PLCE1: variants seen among roughly 807,000 people sequenced by gnomAD.
PLCE1 encodes 1-phosphatidylinositol 4,5-bisphosphate phosphodiesterase epsilon-1.
A neutral mutation model predicts 242.8 loss-of-function variants in PLCE1; 119 were observed. That is an observed-to-expected ratio of 0.49 (90% CI 0.42 to 0.57). PLCE1 has a LOEUF of 0.57. PLCE1 is among the 20% of genes least tolerant of loss of function. The pLI, the probability that PLCE1 is intolerant of heterozygous loss-of-function variation, is 0.00. For synonymous variants in PLCE1, 945 were observed against 1,017.4 expected, an observed-to-expected ratio of 0.93 and a Z score of 1.35; for missense variants, 2,441 against 2,788.8, an observed-to-expected ratio of 0.88 and a Z score of 2.81.
intron 3 of PLCE1, among the ~76,000 whole-genome samples, chr10:94,143,628 G>C (rs2047034806): frequency 1.3e-5 from 2 of 152,074 alleles, no homozygotes; most frequent in Admixed American, 6.6e-5. Flanking sequence ...ACTTCTACTG[G>C]AATTGAGTCT....
intron 29 of PLCE1, among the ~76,000 whole-genome samples, chr10:94,319,844 G>A (rs1004380002): frequency 3.6e-5 from 5 of 139,312 alleles, no homozygotes; most frequent in Admixed American, 2.1e-4. Context: ...AATAAGCTCT[G>A]AGGGAGGCTC....
At chr10:94,087,194 T>A (rs28522400) in intron 2 of PLCE1, among the ~76,000 whole-genome samples, 1 of 151,280 alleles carries the variant, frequency 6.6e-6, no homozygotes, top group Admixed American at 6.6e-5. Flanking sequence ...TAAAGTTTTT[T>A]AAAAAATTAG....
At chr10:94,247,082 A>G (rs2050709928) in intron 8 of PLCE1, among the ~76,000 whole-genome samples, 2 of 147,620 alleles carry the variant, frequency 1.4e-5, no homozygotes, top group Non-Finnish European at 3.0e-5. Context: ...ACTGCATTCC[A>G]GCCTGGGCAA....
chr10:94,221,165 T>C (rs886803414), intron 4 of PLCE1, among the ~76,000 whole-genome samples: 11 of 152,230 alleles, frequency 7.2e-5, no homozygotes, highest in Admixed American at 2.6e-4. Context: ...ATGCAAATTA[T>C]TGATCTCTGG....
chr10:94,009,932 G>T (rs2061133981), intron 1 of PLCE1, among the ~76,000 whole-genome samples: 1 of 152,224 alleles, frequency 6.6e-6, no homozygotes, highest in South Asian at 2.1e-4. Flanking sequence ...GGTCTGGAGG[G>T]TGGCAGCCAC....
At chr10:94,062,031 T>C (rs1257359505) in intron 2 of PLCE1, among the ~76,000 whole-genome samples, 1 of 152,252 alleles carries the variant, frequency 6.6e-6, no homozygotes, top group Non-Finnish European at 1.5e-5. Flanking sequence ...AATAGCAGTA[T>C]CTATCTCAGA....
Position 94,033,129 on chromosome 10 carries a change from C to CAT in PLCE1, c.1206+879_1206+880dup, listed in dbSNP as rs533060718. Among the ~76,000 whole-genome samples, 16 of 152,016 alleles carry CAT rather than the reference C, an allele frequency of 1.1e-4. No individual in the cohort carries two copies. The South Asian group carries it at 3.3e-3, about 32-fold the overall frequency. ...TATATGCAAATACTAGGCCATCTTA[C>CAT]ATAAGGGACTTGAGCATTCTTGAAC... On this transcript the variant is annotated intron_variant, in intron 2 of 32. Coordinates refer to ENST00000371380, the MANE Select transcript of PLCE1 (RefSeq NM_016341.4).
At chr10:94,304,936 T>C (rs1371436575) in intron 25 of PLCE1, among the ~76,000 whole-genome samples, 3 of 152,192 alleles carry the variant, frequency 2.0e-5, no homozygotes, top group African/African-American at 7.2e-5. Flanking sequence ...ATCATAACTA[T>C]GAGTATAGCC....
chr10:94,296,799 G>A (rs2052836773), intron 23 of PLCE1, among the ~76,000 whole-genome samples: 1 of 152,060 alleles, frequency 6.6e-6, no homozygotes. Flanking sequence ...ATCGCAAAAT[G>A]CCTAACTTTC....
At chr10:94,302,963 G>T (rs1455227425) in intron 24 of PLCE1, among the ~76,000 whole-genome samples, 2 of 152,174 alleles carry the variant, frequency 1.3e-5, no homozygotes, top group African/African-American at 4.8e-5. Context: ...TCATGAAGTG[G>T]CCTGAGAAGA....
intron 4 of PLCE1, among the ~76,000 whole-genome samples, chr10:94,176,496 A>C (rs2048130625): frequency 6.6e-6 from 1 of 152,188 alleles, no homozygotes. Flanking sequence ...AATTAGCAGT[A>C]TATGGTGAAA....
At chr10:94,232,440 A>G (rs1346785821) in intron 5 of PLCE1, among the ~76,000 whole-genome samples, 1 of 152,170 alleles carries the variant, frequency 6.6e-6, no homozygotes, top group Non-Finnish European at 1.5e-5. Flanking sequence ...TCTGCAGAAA[A>G]GAAGTGGACA....
chr10:94,097,214 T>C (rs536901766), intron 2 of PLCE1, among the ~76,000 whole-genome samples: 3 of 152,204 alleles, frequency 2.0e-5, no homozygotes, highest in Admixed American at 6.5e-5. Flanking sequence ...CCCTAGAATA[T>C]CTTTTATTTA....
chr10:93,999,419 T>A (rs888280787), intron 1 of PLCE1, among the ~76,000 whole-genome samples: 1 of 152,152 alleles, frequency 6.6e-6, no homozygotes, highest in Non-Finnish European at 1.5e-5. Context: ...TCTGGCACTC[T>A]TAACTGTCAC....
chr10:94,247,971 C>A (rs2050745621), intron 8 of PLCE1, among the ~76,000 whole-genome samples: 1 of 152,208 alleles, frequency 6.6e-6, no homozygotes, highest in Non-Finnish European at 1.5e-5. Context: ...CTTTGCTATG[C>A]TTTTCTATCT....
intron 2 of PLCE1, among the ~76,000 whole-genome samples, chr10:94,071,495 G>A (rs1422227196): frequency 2.4e-5 from 2 of 83,316 alleles, no homozygotes. Context: ...TTTGGTTTTC[G>A]TTTTTTTTTT....
rs2049951869 is a variant in PLCE1, at chr10:94,226,734, A to AT, written c.1810-566dup. On this transcript the variant is annotated intron_variant, in intron 4 of 32. Coordinates refer to ENST00000371380, the MANE Select transcript of PLCE1 (RefSeq NM_016341.4). Reference sequence around the variant, plus strand: ...CCTTATTTTCTTATAGTCAAAAGAAATTTTTTCAATCAAAGGATTTTATGA... The same window carrying AT: ...CCTTATTTTCTTATAGTCAAAAGAAATTTTTTTCAATCAAAGGATTTTATGA... 2.7e-5 allele frequency among the ~76,000 whole-genome samples: 4 copies of AT among 150,504 alleles called. No individual in the cohort carries two copies. In the South Asian group the frequency reaches 8.4e-4, roughly 32 times the overall value.
At chr10:94,217,990 G>A (rs2049589102) in intron 4 of PLCE1, among the ~76,000 whole-genome samples, 1 of 151,450 alleles carries the variant, frequency 6.6e-6, no homozygotes, top group Non-Finnish European at 1.5e-5. Flanking sequence ...ATACACAAGG[G>A]TAAGATATTA....
At chr10:94,273,449 C>A (rs1470398477) in intron 18 of PLCE1, 113 bp from the exon 19 acceptor site, 1 of 1,075,754 alleles carries the variant, frequency 9.3e-7, no homozygotes, top group Non-Finnish European at 1.4e-6. Flanking sequence ...CTTCCTAAGA[C>A]TTTTTAAATA....
Sources: allele counts gnomAD v4.1 joint callset (sites outside exome capture counted in the v4.1 genomes callset), GRCh38; gene constraint gnomAD v4.1.1; transcripts MANE v1.5; gene names NCBI Gene and HGNC (gene_info 2026-07-23, HGNC 2026-07-21).